FOXO1: variants seen among roughly 807,000 people sequenced by gnomAD.
The protein encoded by FOXO1 is forkhead box protein O1.
In FOXO1, 6 loss-of-function variants were observed where a neutral mutation model predicts 44.1. That is an observed-to-expected ratio of 0.14 (90% CI 0.07 to 0.27). The LOEUF is 0.27. Among genes scored for constraint, FOXO1 ranks in the 10% least tolerant of loss-of-function variants. The pLI is 1.00. For synonymous variants in FOXO1, 380 were observed against 362.7 expected (o/e 1.05, Z -0.54); for missense variants, 737 against 888.8 (o/e 0.83, Z 2.17).
In FOXO1 at chr13:40,568,866, G is replaced by A. The variant is rs1017060088; in HGVS notation, c.631-8006C>T. ...TACTTCGAAGGTCATCTGGTCTAACGCTCTTGTTTTATGTTAGGGAAACAA... is the reference window on the plus strand; with the variant it reads ...TACTTCGAAGGTCATCTGGTCTAACACTCTTGTTTTATGTTAGGGAAACAA... On this transcript the variant is annotated intron_variant, in intron 1 of 2. Coordinates refer to ENST00000379561, the MANE Select transcript of FOXO1 (RefSeq NM_002015.4). Among the ~76,000 whole-genome samples the A allele has an allele frequency of 3.3e-5, 5 of 150,588 alleles. No homozygotes were observed. The East Asian group carries it at 9.7e-4, about 29-fold the overall frequency.
rs533751304 is a variant in FOXO1 at position 40,592,576 on chromosome 13, G to A, written c.631-31716C>T. On this transcript the variant is annotated intron_variant, in intron 1 of 2. Transcript: ENST00000379561. ...CAATTCTCCTCTCCTGCCTCTTGGA[G>A]GAACACAACCAGAACTACAGCATCA... 3.0e-4 allele frequency among the ~76,000 whole-genome samples: 45 copies of A among 152,300 alleles called. No individual in the cohort carries two copies. The South Asian group carries it at 8.5e-3, about 29-fold the overall frequency.
intron 1 of FOXO1, among the ~76,000 whole-genome samples, chr13:40,623,699 T>C (rs1876692100): frequency 1.3e-5 from 2 of 152,066 alleles, no homozygotes. Context: ...GGCCACACTA[T>C]ATCTGGAGAA....
At chr13:40,637,699 G>C (rs1228683305) in intron 1 of FOXO1, among the ~76,000 whole-genome samples, 1 of 152,102 alleles carries the variant, frequency 6.6e-6, no homozygotes, top group East Asian at 1.9e-4. Context: ...CAACCTATAA[G>C]AGTTACTATT....
In FOXO1 at chr13:40,627,655, A is replaced by G. The variant is rs182375514; in HGVS notation, c.630+37928T>C. On this transcript the variant is annotated intron_variant, in intron 1 of 2. Coordinates refer to ENST00000379561, the MANE Select transcript of FOXO1 (RefSeq NM_002015.4). ...CGAGACCAGCCTGGCCAGCATGGTG[A>G]AACCCCATCTCTACTAAAAACACCA... Among the ~76,000 whole-genome samples, 31 of 152,238 alleles carry G rather than the reference A, an allele frequency of 2.0e-4. No individual in the cohort carries two copies. In the East Asian group the frequency reaches 5.4e-3, roughly 27 times the overall value.
chr13:40,644,595 A>G (rs1279483727), intron 1 of FOXO1, among the ~76,000 whole-genome samples: 5 of 152,188 alleles, frequency 3.3e-5, no homozygotes, highest in Non-Finnish European at 1.5e-5. Flanking sequence ...AGGAACTTCT[A>G]AAGTGTTTTT....
intron 1 of FOXO1, among the ~76,000 whole-genome samples, chr13:40,655,079 T>C (rs552444079): frequency 9.5e-4 from 144 of 152,288 alleles, no homozygotes; most frequent in African/African-American, 3.3e-3. Flanking sequence ...CTCATGCCAG[T>C]GATCCCAGCA....
chr13:40,601,336 A>C (rs748414233), intron 1 of FOXO1, among the ~76,000 whole-genome samples: 1 of 152,224 alleles, frequency 6.6e-6, no homozygotes, highest in Non-Finnish European at 1.5e-5. Context: ...AGTATTTTAC[A>C]TTATTCACTG....
chr13:40,567,885 T>C (rs1409621385), intron 1 of FOXO1, among the ~76,000 whole-genome samples: 3 of 152,028 alleles, frequency 2.0e-5, no homozygotes, highest in Non-Finnish European at 4.4e-5. Flanking sequence ...GGAGAATCAC[T>C]TGAACCTGGG....
intron 1 of FOXO1, among the ~76,000 whole-genome samples, chr13:40,567,708 A>C (rs1874322420): frequency 6.6e-6 from 1 of 152,120 alleles, no homozygotes; most frequent in African/African-American, 2.4e-5. Context: ...GGTGGCTCAC[A>C]CCTGTAATCC....
intron 1 of FOXO1, among the ~76,000 whole-genome samples, chr13:40,614,120 C>A (rs1013347259): frequency 6.6e-6 from 1 of 152,096 alleles, no homozygotes; most frequent in South Asian, 2.1e-4. Context: ...AATACAGAGA[C>A]AAATGTTGGA....
intron 1 of FOXO1, among the ~76,000 whole-genome samples, chr13:40,587,341 T>C (rs547106067): frequency 5.4e-5 from 8 of 147,306 alleles, no homozygotes; most frequent in South Asian, 2.2e-4. Context: ...TACGAACAGA[T>C]AGTGAAAGAT....
At chr13:40,631,139 T>TA (rs1183853276) in intron 1 of FOXO1, among the ~76,000 whole-genome samples, 4 of 152,194 alleles carry the variant, frequency 2.6e-5, no homozygotes, top group Admixed American at 6.5e-5. Flanking sequence ...AGGCTGGACT[T>TA]AGAGTCCTGC....
chr13:40,631,943 A>C (rs1486421769), intron 1 of FOXO1, among the ~76,000 whole-genome samples: 3 of 152,274 alleles, frequency 2.0e-5, no homozygotes, highest in East Asian at 3.9e-4. Flanking sequence ...TTTTACCACA[A>C]ATTTTAAAAA....
chr13:40,609,687 G>A (rs764125433), intron 1 of FOXO1, among the ~76,000 whole-genome samples: 7 of 152,204 alleles, frequency 4.6e-5, no homozygotes, highest in Non-Finnish European at 8.8e-5. Context: ...TCAAACTCAC[G>A]CCTAAAGAAA....
At chr13:40,586,971 T>A (rs1875191274) in intron 1 of FOXO1, among the ~76,000 whole-genome samples, 2 of 152,198 alleles carry the variant, frequency 1.3e-5, no homozygotes, top group Non-Finnish European at 2.9e-5. Flanking sequence ...ATATTTTTTG[T>A]CTGCTATTTT....
intron 1 of FOXO1, among the ~76,000 whole-genome samples, chr13:40,578,988 T>A (rs569775213): frequency 6.6e-6 from 1 of 152,282 alleles, no homozygotes; most frequent in East Asian, 1.9e-4. Context: ...ACGGTGGTAA[T>A]GAGGAAGAAA....
chr13:40,614,217 G>A (rs988213862), intron 1 of FOXO1, among the ~76,000 whole-genome samples: 1 of 152,204 alleles, frequency 6.6e-6, no homozygotes, highest in African/African-American at 2.4e-5. Context: ...CAAACAGTTT[G>A]CTGTGTGCTT....
chr13:40,602,692 T>C (rs1875854169), intron 1 of FOXO1, among the ~76,000 whole-genome samples: 1 of 152,218 alleles, frequency 6.6e-6, no homozygotes, highest in Admixed American at 6.5e-5. Context: ...ATGCATTCTA[T>C]CTAGATGGCA....
intron 1 of FOXO1, among the ~76,000 whole-genome samples, chr13:40,661,423 G>A (rs1028906874): frequency 5.9e-5 from 9 of 151,894 alleles, no homozygotes; most frequent in African/African-American, 2.2e-4. Context: ...TTATTGGCAC[G>A]ATAGCTGGGA....
Sources: allele counts gnomAD v4.1 joint callset (sites outside exome capture counted in the v4.1 genomes callset), GRCh38; gene constraint gnomAD v4.1.1; transcripts MANE v1.5; gene names NCBI Gene and HGNC (gene_info 2026-07-23, HGNC 2026-07-21).